MROH1: variants seen among roughly 807,000 people sequenced by gnomAD.
MROH1 encodes the protein maestro heat-like repeat-containing protein family member 1.
In MROH1, 117 loss-of-function variants were observed where a neutral mutation model predicts 116.5. That is an observed-to-expected ratio of 1.00 (90% CI 0.86 to 1.17). The LOEUF (loss-of-function observed/expected upper bound fraction) is 1.17. MROH1 is among the 50% of genes most tolerant of loss of function. The probability of loss-of-function intolerance (pLI) is 0.00; values close to 1 mark genes in which losing one functional copy is unlikely to be tolerated. For synonymous variants in MROH1, 921 were observed against 583.9 expected (o/e 1.58, Z -8.32); for missense variants, 1,873 against 1,338.5 (o/e 1.40, Z -6.23).
chr8:144,226,173 C>T (rs1251949462), intron 14 of MROH1, among the ~76,000 whole-genome samples: 1 of 152,050 alleles, frequency 6.6e-6, no homozygotes, highest in East Asian at 1.9e-4. Flanking sequence ...CCTCGGCCTC[C>T]CAAAGTGCTG....
In MROH1 at chr8:144,180,556, G is replaced by A; in HGVS notation, c.562+33G>A. The stretch of plus-strand genomic sequence containing the variant: ...GCGGCCTCGTCACCTTCTGTCTCAA[G>A]TGCCCCTTTGTGGGGGGCTGTTCCC... On this transcript the variant is annotated intron_variant, in intron 7 of 43. Transcript: ENST00000326134. This position sits in a 1 kb window ranked among gnomAD's most constrained non-coding sequence, Gnocchi z 7.4. 1 of 1,592,758 alleles carries A rather than the reference G, an allele frequency of 6.3e-7. No homozygotes were observed. The highest frequency in any genetic ancestry group is 1.1e-5 in the South Asian group (1 of 90,652).
intron 4 of MROH1, among the ~76,000 whole-genome samples, chr8:144,169,477 G>A (rs1238447789): frequency 6.8e-6 from 1 of 147,562 alleles, no homozygotes. Flanking sequence ...TTTTGAGATG[G>A]AGTCTCACTC....
intron 14 of MROH1, among the ~76,000 whole-genome samples, chr8:144,233,946 A>T (rs1318156965): frequency 2.0e-5 from 3 of 152,078 alleles, no homozygotes; most frequent in African/African-American, 7.2e-5. Flanking sequence ...CACAGAAGTC[A>T]TCCGGAATTT....
intron 1 of MROH1, among the ~76,000 whole-genome samples, chr8:144,154,843 A>C (rs1461370087): frequency 1.4e-5 from 2 of 147,280 alleles, no homozygotes; most frequent in Admixed American, 6.8e-5. Context: ...TTTTTTTAAG[A>C]TGGCTTGCTC....
At chr8:144,227,650 C>T (rs1484465710) in intron 14 of MROH1, among the ~76,000 whole-genome samples, 1 of 148,610 alleles carries the variant, frequency 6.7e-6, no homozygotes, top group East Asian at 2.0e-4. Context: ...GTCACACACA[C>T]ACAAAAAGTT....
chr8:144,175,251 C>T (rs1019787029), intron 4 of MROH1: 35 of 779,696 alleles, frequency 4.5e-5, no homozygotes, highest in Non-Finnish European at 5.3e-5. Flanking sequence ...CGGGTCCGGT[C>T]GGATGGGTAT....
Position 144,241,090 on chromosome 8 carries a change from C to T in MROH1, c.2034C>T (p.Tyr678=). The T allele has an allele frequency of 3.9e-6, 3 of 772,648 alleles. No individual in the cohort carries two copies. In the South Asian group the frequency reaches 4.1e-5, roughly 11 times the overall value. 47.9% of individuals were successfully genotyped at this position (772,648 alleles called of 1,614,324 possible). Residue 678 remains tyrosine, a synonymous_variant, in exon 21 of 44, where the codon TAC becomes TAT. Transcript: ENST00000326134. ...HLQELLETAR[Y]QEEAEREGLA... is the part of the protein sequence containing the mutation. The stretch of plus-strand genomic sequence containing the variant: ...AAGAGCTGCTGGAGACGGCCAGATA[C>T]CAGGAGGAGGCAGAACGCGAGGTGG...
intron 35 of MROH1, among the ~76,000 whole-genome samples, chr8:144,258,541 C>T (rs1311225737): frequency 6.6e-6 from 1 of 152,208 alleles, no homozygotes. Context: ...CAGGTGGCCA[C>T]AGGCTGACCT....
intron 20 of MROH1, 104 bp from the exon 21 acceptor site, chr8:144,240,888 C>G (rs986932082): frequency 1.8e-5 from 13 of 707,852 alleles, no homozygotes; most frequent in Non-Finnish European, 2.9e-5. Flanking sequence ...CAGTTCTCAT[C>G]AGCTTGTGGG....
chr8:144,182,173 G>A lies in MROH1; in HGVS notation c.562+1650G>A, dbSNP rs1240569089. 9.2e-5 allele frequency among the ~76,000 whole-genome samples: 14 copies of A among 152,206 alleles called. No individual in the cohort carries two copies. Among genetic ancestry groups the A allele is most frequent in the Non-Finnish European group, 1.3e-4 (9 of 68,026 alleles). ...CCGGGTGAGGCCTAGTGGTGGGGGC[G>A]GTGGCAGGCCTGCGTCCACTGCGGG... On this transcript the variant is annotated intron_variant, in intron 7 of 43. Coordinates refer to ENST00000326134, the MANE Select transcript of MROH1 (RefSeq NM_032450.3). The surrounding 1 kb of genome is among the most constrained non-coding windows in gnomAD (Gnocchi z 4.1).
At chr8:144,220,494 C>T (rs763012484) in intron 12 of MROH1, 106 bp from the exon 13 acceptor site, 20 of 891,698 alleles carry the variant, frequency 2.2e-5, no homozygotes, top group Admixed American at 5.2e-5. Context: ...GCTCCCTCTT[C>T]CTCCTACACG....
chr8:144,258,491 C>G (rs1844347434), intron 35 of MROH1, among the ~76,000 whole-genome samples: 1 of 152,190 alleles, frequency 6.6e-6, no homozygotes, highest in African/African-American at 2.4e-5. Flanking sequence ...GCCGGTGCAG[C>G]CAGAGGGCTT....
At position 144,180,562 on chromosome 8, in the gene MROH1, C is replaced by CT; in HGVS notation, c.562+42dup. On this transcript the variant is annotated intron_variant, in intron 7 of 43. Coordinates refer to ENST00000326134, the MANE Select transcript of MROH1 (RefSeq NM_032450.3). The surrounding 1 kb of genome is among the most constrained non-coding windows in gnomAD (Gnocchi z 7.4). ...TCGTCACCTTCTGTCTCAAGTGCCC[C>CT]TTTGTGGGGGGCTGTTCCCGGGCAT... The CT allele has an allele frequency of 1.3e-6, 2 of 1,584,982 alleles. No homozygotes were observed. Among genetic ancestry groups the CT allele is most frequent in the Admixed American group, 1.7e-5 (1 of 59,754 alleles).
intron 14 of MROH1, among the ~76,000 whole-genome samples, chr8:144,235,042 G>A (rs538030310): frequency 9.6e-4 from 146 of 151,620 alleles, no homozygotes; most frequent in Admixed American, 6.4e-3. Context: ...ACAGGCGTGC[G>A]CCACCATGCC....
chr8:144,153,803 C>T (rs1215096228), intron 1 of MROH1, among the ~76,000 whole-genome samples: 7 of 152,320 alleles, frequency 4.6e-5, no homozygotes, highest in African/African-American at 1.7e-4. Context: ...CTCCATCGCC[C>T]AGGCTGGAGT....
intron 7 of MROH1, among the ~76,000 whole-genome samples, chr8:144,183,401 T>C (rs1826166465): frequency 1.3e-5 from 2 of 149,958 alleles, no homozygotes; most frequent in South Asian, 2.1e-4. Context: ...AAAAAAATCC[T>C]AATAACACAA....
In MROH1 at chr8:144,239,828, CTG is replaced by C. The variant is rs1387082132; in HGVS notation, c.1774+74_1774+75del. The stretch of plus-strand genomic sequence containing the variant: ...GTCTCAGAGTAGGAGGGTGCTAGCT[CTG>C]ACCCCACCTTTGCCAAGTGGCACTA... On this transcript the variant is annotated intron_variant, in intron 18 of 43. Coordinates refer to ENST00000326134, the MANE Select transcript of MROH1 (RefSeq NM_032450.3). The C allele has an allele frequency of 3.7e-4, 259 of 703,678 alleles. No individual in the cohort carries two copies. In the African/African-American group the frequency reaches 4.0e-3, roughly 11 times the overall value. The allele number at this position is 703,678 out of a possible 1,614,324, so 43.6% of individuals were successfully genotyped here.
intron 17 of MROH1, 110 bp downstream of exon 17, chr8:144,239,473 G>A (rs1810117650): frequency 3.9e-6 from 3 of 772,484 alleles, no homozygotes; most frequent in African/African-American, 1.7e-5. Flanking sequence ...TCAGGGCTCA[G>A]GTGTGGTTTT....
chr8:144,249,301 TGA>T (rs1182607938), intron 32 of MROH1, among the ~76,000 whole-genome samples: 1 of 151,652 alleles, frequency 6.6e-6, no homozygotes, highest in African/African-American at 2.4e-5. Context: ...AAACAAGTGC[TGA>T]GAGAATAAGG....
Sources: gnomAD v4.1 joint callset for allele counts (sites outside exome capture counted in the v4.1 genomes callset) on GRCh38, gnomAD v4.1.1 for gene constraint, Gnocchi (gnomAD v3.1) non-coding constraint, MANE v1.5 for transcripts, NCBI Gene and HGNC (gene_info 2026-07-23, HGNC 2026-07-21) for gene names.